The following PRR16 variants were observed in gnomAD, a reference collection of about 807,000 sequenced individuals.
PRR16 encodes the protein protein Largen.
PRR16 carries 6 observed loss-of-function variants against 18.2 expected under a neutral mutation model. The observed-to-expected ratio is 0.33, with a 90% CI of 0.18 to 0.65. The LOEUF (loss-of-function observed/expected upper bound fraction) is 0.65. PRR16 is among the 30% of genes least tolerant of loss of function. The probability of loss-of-function intolerance (pLI) is 0.74; values close to 1 mark genes in which losing one functional copy is unlikely to be tolerated. For missense variants in PRR16, 412 were observed against 376.6 expected (o/e 1.09, Z -0.78); for synonymous variants, 151 against 147.8 (o/e 1.02, Z -0.16).
chr5:120,532,736 A>AT lies in PRR16; in HGVS notation c.159+68101dup, dbSNP rs200262629. Among the ~76,000 whole-genome samples, 532 of 150,338 alleles carry AT rather than the reference A, an allele frequency of 3.5e-3. 2 individuals are homozygous for AT. Among genetic ancestry groups the AT allele is most frequent in the African/African-American group, 0.012 (491 of 41,066 alleles). On this transcript the variant is annotated intron_variant, in intron 1 of 1. Transcript: ENST00000407149. ...GGAAACATACAGGATTTTATTGGAA[A>AT]TTTTTTTTTTAAGAATTAACTTTTA...
At chr5:120,681,695 T>C (rs1475899995) in intron 1 of PRR16, among the ~76,000 whole-genome samples, 1 of 152,194 alleles carries the variant, frequency 6.6e-6, no homozygotes, top group Non-Finnish European at 1.5e-5. Flanking sequence ...TGTCTAAAAA[T>C]GTCTATTTCT....
At chr5:120,572,592 A>T (rs980418411) in intron 1 of PRR16, among the ~76,000 whole-genome samples, 1 of 152,106 alleles carries the variant, frequency 6.6e-6, no homozygotes, top group African/African-American at 2.4e-5. Context: ...CTTTGAGCAG[A>T]GAGATATTTG....
At chr5:120,513,602 C>G (rs1056989312) in intron 1 of PRR16, among the ~76,000 whole-genome samples, 2 of 152,086 alleles carry the variant, frequency 1.3e-5, no homozygotes, top group African/African-American at 4.8e-5. Context: ...CCACCTTTCC[C>G]CCTACTGGCC....
At chr5:120,623,186 G>A (rs575830008) in intron 1 of PRR16, among the ~76,000 whole-genome samples, 134 of 152,102 alleles carry the variant, frequency 8.8e-4, no homozygotes, top group African/African-American at 3.2e-3. Flanking sequence ...AGATTCCTCA[G>A]TGAGGAAAGA....
intron 1 of PRR16, among the ~76,000 whole-genome samples, chr5:120,526,060 G>A (rs188067910): frequency 6.6e-6 from 1 of 152,262 alleles, no homozygotes; most frequent in Admixed American, 6.5e-5. Context: ...TTCAGATCTA[G>A]TCTTTCTGTT....
intron 1 of PRR16, among the ~76,000 whole-genome samples, chr5:120,552,497 T>C (rs1752285327): frequency 1.3e-5 from 2 of 151,964 alleles, no homozygotes; most frequent in South Asian, 2.1e-4. Context: ...ATTTATATCA[T>C]TTTAAGATAA....
At chr5:120,707,033 G>A in the PRR16 span, among the ~76,000 whole-genome samples, 1 of 152,104 alleles carries the variant, frequency 6.6e-6, no homozygotes, top group Admixed American at 6.6e-5. Context: ...GATCTTCCTA[G>A]GTTGTAAAAC....
intron 1 of PRR16, chr5:120,481,340 A>T: frequency 2.5e-6 from 1 of 399,136 alleles, no homozygotes; most frequent in Non-Finnish European, 5.0e-6. Flanking sequence ...TGTGTTGCCC[A>T]GTCTGGTCTT....
Position 120,535,076 on chromosome 5 carries a change from C to CGTGTGTGTGT in PRR16, c.159+70450_159+70459dup, listed in dbSNP as rs34220996. Among the ~76,000 whole-genome samples, 637 of 146,418 alleles carry CGTGTGTGTGT rather than the reference C, an allele frequency of 4.4e-3. 2 individuals carry two copies. The highest frequency in any genetic ancestry group is 0.015 in the African/African-American group (600 of 40,086). On this transcript the variant is annotated intron_variant, in intron 1 of 1. Transcript: ENST00000407149. ...AATGATTATTTGAACTCACTTTACA[C>CGTGTGTGTGT]GTGTGTGTGTGTGTGTGTGTGTGTG...
intron 1 of PRR16, among the ~76,000 whole-genome samples, chr5:120,505,045 A>C (rs1750595652): frequency 6.6e-6 from 1 of 152,178 alleles, no homozygotes; most frequent in African/African-American, 2.4e-5. Context: ...AATCTGGGGA[A>C]TCATGCTATA....
At chr5:120,507,342 T>C (rs1037950961) in intron 1 of PRR16, among the ~76,000 whole-genome samples, 1 of 152,134 alleles carries the variant, frequency 6.6e-6, no homozygotes, top group African/African-American at 2.4e-5. Flanking sequence ...ATGGAATATG[T>C]ACATGAAGTA....
chr5:120,669,156 A>T (rs1332438900), intron 1 of PRR16, among the ~76,000 whole-genome samples: 1 of 152,144 alleles, frequency 6.6e-6, no homozygotes, highest in African/African-American at 2.4e-5. Context: ...TGTGCTGATG[A>T]ACTCCTTCAA....
At chr5:120,509,129 A>C (rs1426390521) in intron 1 of PRR16, among the ~76,000 whole-genome samples, 8 of 152,136 alleles carry the variant, frequency 5.3e-5, no homozygotes. Context: ...ATTAGCTGGC[A>C]AAATGTAGTA....
the PRR16 span, among the ~76,000 whole-genome samples, chr5:120,747,254 G>C: frequency 6.6e-6 from 1 of 152,134 alleles, no homozygotes; most frequent in Non-Finnish European, 1.5e-5. Context: ...GGAGATTTAC[G>C]TTTAACAGTT....
intron 1 of PRR16, chr5:120,617,144 G>A (rs1026638127): frequency 1.0e-6 from 1 of 985,252 alleles, no homozygotes; most frequent in African/African-American, 1.7e-5. Context: ...CAGGGAAACA[G>A]TGCTGCAGGC....
At chr5:120,674,631 C>G (rs189962911) in intron 1 of PRR16, among the ~76,000 whole-genome samples, 6 of 152,076 alleles carry the variant, frequency 3.9e-5, no homozygotes, top group Admixed American at 3.9e-4. Flanking sequence ...CATCAGCACT[C>G]AGTTGGCCCT....
At chr5:120,622,172 C>G (rs1400721257) in intron 1 of PRR16, among the ~76,000 whole-genome samples, 1 of 152,102 alleles carries the variant, frequency 6.6e-6, no homozygotes, top group African/African-American at 2.4e-5. Context: ...CTGCCTCCTC[C>G]TGTCAAATTT....
At chr5:120,785,210 C>A in the PRR16 span, among the ~76,000 whole-genome samples, 1 of 152,102 alleles carries the variant, frequency 6.6e-6, no homozygotes, top group Non-Finnish European at 1.5e-5. Context: ...TGACAAGTGT[C>A]TAGGGCTACA....
At position 120,467,264 on chromosome 5, in the gene PRR16, T is replaced by C. The variant is rs1258534402; in HGVS notation, c.159+2619T>C. Among the ~76,000 whole-genome samples the C allele has an allele frequency of 2.0e-5, 3 of 152,292 alleles. No individual in the cohort carries two copies. The East Asian group carries it at 5.8e-4, about 29-fold the overall frequency. On this transcript the variant is annotated intron_variant, in intron 1 of 1. Coordinates refer to ENST00000407149, the MANE Select transcript of PRR16 (RefSeq NM_001300783.2). ...TATATTTAGAATTCTAATTCCTTTATTGGCAATGCTATGCTTTTAGACCAT... is the reference window on the plus strand; with the variant it reads ...TATATTTAGAATTCTAATTCCTTTACTGGCAATGCTATGCTTTTAGACCAT...
Sources: allele counts gnomAD v4.1 joint callset (sites outside exome capture counted in the v4.1 genomes callset), GRCh38; gene constraint gnomAD v4.1.1; transcripts MANE v1.5; gene names NCBI Gene and HGNC (gene_info 2026-07-23, HGNC 2026-07-21).